The following PFAS variants were observed in gnomAD, a reference collection of about 807,000 sequenced individuals.
The protein encoded by PFAS is phosphoribosylformylglycinamidine synthase, also known as FGAM synthase.
Under a neutral mutation model 140.6 loss-of-function variants are expected in PFAS, and 97 were observed. The ratio of observed to expected loss-of-function variants is 0.69; its 90% CI spans 0.59 to 0.82. The LOEUF (loss-of-function observed/expected upper bound fraction) is 0.82, where lower values mean the gene tolerates loss of function less well. PFAS is among the 40% of genes least tolerant of loss of function. The pLI is 0.00. For missense variants in PFAS, 1,656 were observed against 1,780.2 expected (o/e 0.93, Z 1.26); for synonymous variants, 679 against 718.8 (o/e 0.94, Z 0.88).
chr17:8,264,227 G>T lies in PFAS; in HGVS notation c.1807G>T (p.Asp603Tyr). 6.2e-7 allele frequency: 1 copy of T among 1,614,028 alleles called. No individual in the cohort carries two copies. The highest frequency in any genetic ancestry group is 8.5e-7 in the Non-Finnish European group (1 of 1,179,960). Residue 603 changes from aspartate (D) to tyrosine (Y), a missense_variant, in exon 16 of 28, where the codon GAT becomes TAT. Physicochemically the swap from Asp to Tyr is radical, Grantham distance 160. Coordinates refer to ENST00000314666, the MANE Select transcript of PFAS (RefSeq NM_012393.3). ...TGGTCTATAGATAGTGCTGGTGGAC[G>T]ATCGGGAGTGTCCTGTCAGAAGAAA... ...TGDRRIVLVD[D>Y]RECPVRRNGQ...
chr17:8,267,048 G>A lies in PFAS; in HGVS notation c.2988G>A (p.Gly996=), dbSNP rs1005007032. The A allele has an allele frequency of 1.9e-6, 3 of 1,614,054 alleles. No homozygotes were observed. The highest frequency in any genetic ancestry group is 2.5e-6 in the Non-Finnish European group (3 of 1,180,042). ...CCTAGGTCCGGGTGTCAGTGAACGG[G>A]GCTGTGGTTCTGGAGGAGCCTGTTG... ...PHAMVRVSVN[G]AVVLEEPVGE... is the part of the protein sequence containing the mutation. Residue 996 remains glycine (G), a synonymous_variant, in exon 24 of 28, where the codon GGG becomes GGA. Coordinates refer to ENST00000314666, the MANE Select transcript of PFAS (RefSeq NM_012393.3). The surrounding 1 kb of genome is among the most constrained non-coding windows in gnomAD (Gnocchi z 4.9).
rs1197963709 is a variant in PFAS, at chr17:8,255,603, C to G, written c.486C>G (p.Ser162=). The change falls in exon 5 of 28, where the codon TCC becomes TCG. Residue 162 remains serine (S), a synonymous_variant. Coordinates refer to ENST00000314666, the MANE Select transcript of PFAS (RefSeq NM_012393.3). ...QHFPHPIQSF[S]PESMPEPLNG... ...TCCCCCATCCCATCCAGAGTTTCTC[C>G]CCTGAGAGCATGCCGGAACCCCTCA... is the stretch of plus-strand genomic sequence containing the variant. The G allele has an allele frequency of 6.3e-6, 10 of 1,581,352 alleles. No individual in the cohort carries two copies. Among genetic ancestry groups the G allele is most frequent in the Non-Finnish European group, 6.9e-6 (8 of 1,166,396 alleles).
rs1487486143 is a variant in PFAS at position 8,267,972 on chromosome 17, T to C, written c.3382+307T>C. On this transcript the variant is annotated intron_variant, in intron 26 of 27. Transcript: ENST00000314666. The surrounding 1 kb of genome is among the most constrained non-coding windows in gnomAD (Gnocchi z 4.9). Reference sequence around the variant, plus strand: ...ATATTATTAAAATATATATTATTTATATATATTATTTATATATTATTAAAA... The same window carrying C: ...ATATTATTAAAATATATATTATTTACATATATTATTTATATATTATTAAAA... Among the ~76,000 whole-genome samples the C allele has an allele frequency of 2.1e-5, 3 of 144,160 alleles. No homozygotes were observed. Among genetic ancestry groups the C allele is most frequent in the Non-Finnish European group, 4.5e-5 (3 of 66,016 alleles). The allele number at this position is 144,160 out of a possible 152,430, so 94.6% of individuals were successfully genotyped here.
At position 8,266,427 on chromosome 17, in the gene PFAS, A is replaced by T; in HGVS notation, c.2821+74A>T. The stretch of plus-strand genomic sequence containing the variant: ...TGCAGACCCCATTTCCAATATATTA[A>T]AGAGTGGAGTGCCCTCCAGTCCCCT... On this transcript the variant is annotated intron_variant, in intron 22 of 27. Transcript: ENST00000314666. This position sits in a 1 kb window ranked among gnomAD's most constrained non-coding sequence, Gnocchi z 5.0. 6.3e-7 allele frequency: 1 copy of T among 1,591,348 alleles called. No individual in the cohort carries two copies. The highest frequency in any genetic ancestry group is 8.6e-7 in the Non-Finnish European group (1 of 1,167,872).
At position 8,267,560 on chromosome 17, in the gene PFAS, G is replaced by C; in HGVS notation, c.3277G>C (p.Val1093Leu). 1.2e-6 allele frequency: 2 copies of C among 1,610,348 alleles called. No homozygotes were observed. The highest frequency in any genetic ancestry group is 1.7e-6 in the Non-Finnish European group (2 of 1,176,600). ...CTCCCCACCTTCGCAGGTATGGGAC[G>C]TGACCATGCAGGACCTCTGCTCTGG... is the stretch of plus-strand genomic sequence containing the variant. ...FHLAGFEVWD[V>L]TMQDLCSGAI... Residue 1093 changes from valine (V) to leucine (L), a missense_variant, in exon 26 of 28, where the codon GTG becomes CTG. Transcript: ENST00000314666. The surrounding 1 kb of genome is among the most constrained non-coding windows in gnomAD (Gnocchi z 4.9).
At position 8,264,923 on chromosome 17, in the gene PFAS, C is replaced by G. The variant is rs1392610244; in HGVS notation, c.2078C>G (p.Ala693Gly). The G allele has an allele frequency of 4.4e-6, 7 of 1,597,636 alleles. No homozygotes were observed. Among genetic ancestry groups the G allele is most frequent in the Non-Finnish European group, 6.0e-6 (7 of 1,169,802 alleles). The change falls in exon 18 of 28, where the codon GCC becomes GGC. Residue 693 changes from alanine (A) to glycine (G), a missense_variant. Transcript: ENST00000314666. ...KVDRSVGGLVAQQQCVGPLQT... is the reference protein window; with the variant it reads ...KVDRSVGGLVGQQQCVGPLQT... ...GACCGCTCTGTGGGAGGCCTGGTGG[C>G]CCAGCAGCAGTGCGTGGGGCCCCTG...
In PFAS at chr17:8,269,856, A is replaced by G. The variant is rs1597433146; in HGVS notation, c.*592A>G. On this transcript the variant is annotated 3_prime_UTR_variant, in exon 28 of 28. Transcript: ENST00000314666. ...GGCCTCAGAACCCAGCATTCCTGTT[A>G]TTTGCTTCTAAATTAGCAGCTCTCT... is the stretch of plus-strand genomic sequence containing the variant. 1 of 144,368 alleles carries G rather than the reference A, an allele frequency of 6.9e-6. No individual in the cohort carries two copies. Among genetic ancestry groups the G allele is most frequent in the Non-Finnish European group, 1.5e-5 (1 of 66,170 alleles). 8.9% of individuals were successfully genotyped at this position (144,368 alleles called of 1,614,324 possible).
At chr17:8,264,694 G>C (rs1989739304) in intron 17 of PFAS, 93 bp downstream of exon 17, 2 of 1,383,954 alleles carry the variant, frequency 1.4e-6, no homozygotes, top group Admixed American at 4.5e-5. Context: ...GGGGGTTTTT[G>C]CCTGGCCCTG....
chr17:8,250,455 G>A (rs560019301), intron 1 of PFAS, among the ~76,000 whole-genome samples: 10 of 152,298 alleles, frequency 6.6e-5, no homozygotes, highest in African/African-American at 2.4e-4. Context: ...TTTCCTGGTG[G>A]ATTGGATTTA....
In PFAS at chr17:8,264,131, T is replaced by C. The variant is rs1989709503; in HGVS notation, c.1792-81T>C. On this transcript the variant is annotated intron_variant, in intron 15 of 27. Transcript: ENST00000314666. The stretch of plus-strand genomic sequence containing the variant: ...AACCAAACAAGGAGTGGAAAGCACA[T>C]TTGTGCCCTGATTTCTAGGAACATT... The C allele has an allele frequency of 8.9e-6, 14 of 1,577,302 alleles. No individual in the cohort carries two copies. In the Middle Eastern group the frequency reaches 1.4e-3, roughly 154 times the overall value.
rs761580990 is a variant in PFAS at position 8,267,391 on chromosome 17, C to T, written c.3195C>T (p.Val1065=). 3.7e-6 allele frequency: 6 copies of T among 1,614,026 alleles called. No homozygotes were observed. Among genetic ancestry groups the T allele is most frequent in the Admixed American group, 3.3e-5 (2 of 60,030 alleles). The change falls in exon 25 of 28, where the codon GTC becomes GTT. Residue 1065 remains valine, a synonymous_variant. Transcript: ENST00000314666. The surrounding 1 kb of genome is among the most constrained non-coding windows in gnomAD (Gnocchi z 4.9). ...PREPGGPSPR[V]AILREEGSNG... is the part of the protein sequence containing the mutation. ...CCCAAGGTGGTCCCAGCCCCCGAGT[C>T]GCCATCTTGCGAGAGGAGGGCAGTA...
chr17:8,264,347 G>A lies in PFAS; in HGVS notation c.1917+10G>A, dbSNP rs748802486. ...CAAGATGCCTCGGAAGGTATGTGGGGTTGAGGGGATGGGTTTTTCCTGTGG... is the reference window on the plus strand; with the variant it reads ...CAAGATGCCTCGGAAGGTATGTGGGATTGAGGGGATGGGTTTTTCCTGTGG... On this transcript the variant is annotated intron_variant, in intron 16 of 27. Coordinates refer to ENST00000314666, the MANE Select transcript of PFAS (RefSeq NM_012393.3). 2.5e-6 allele frequency: 4 copies of A among 1,613,538 alleles called. No homozygotes were observed. Among genetic ancestry groups the A allele is most frequent in the Admixed American group, 3.3e-5 (2 of 59,954 alleles).
rs572582204 is a variant in PFAS at position 8,255,651 on chromosome 17, T to C, written c.534T>C (p.Gly178=). The part of the protein sequence containing the change: ...EPLNGPINIL[G]EGRLALEKAN... ...TCAATGGCCCTATCAATATACTGGGTGAGGGCCGGCTTGCGCTGGAGAAGG... is the reference window on the plus strand; with the variant it reads ...TCAATGGCCCTATCAATATACTGGGCGAGGGCCGGCTTGCGCTGGAGAAGG... The change falls in exon 5 of 28, where the codon GGT becomes GGC. Residue 178 remains glycine, a synonymous_variant. Transcript: ENST00000314666. 2 of 1,582,160 alleles carry C rather than the reference T, an allele frequency of 1.3e-6. No individual in the cohort carries two copies. Among genetic ancestry groups the C allele is most frequent in the Admixed American group, 1.9e-5 (1 of 53,920 alleles).
upstream of PFAS, chr17:8,248,221 C>G: frequency 6.6e-6 from 4 of 606,932 alleles, no homozygotes; most frequent in Non-Finnish European, 6.0e-6. Flanking sequence ...TCCCAACTCC[C>G]GACACCCCTG....
chr17:8,269,571 C>T lies in PFAS; in HGVS notation c.*307C>T. On this transcript the variant is annotated 3_prime_UTR_variant, in exon 28 of 28. Transcript: ENST00000314666. ...GAGGTCCGAACAGGGGCTTCTGTTG[C>T]CCACTTCACAACACCCAGTGATCAC... 1 of 325,846 alleles carries T rather than the reference C, an allele frequency of 3.1e-6. No individual in the cohort carries two copies. Among genetic ancestry groups the T allele is most frequent in the Non-Finnish European group, 5.7e-6 (1 of 176,398 alleles). The allele number at this position is 325,846 out of a possible 1,614,324, so 20.2% of individuals were successfully genotyped here. A position where few individuals can be genotyped will look rare whatever the true frequency, so the allele number is the denominator to read the frequency against.
rs771386357 is a variant in PFAS at position 8,268,855 on chromosome 17, A to G, written c.3705A>G (p.Glu1235=). The stretch of plus-strand genomic sequence containing the variant: ...TGCCCGTGTGGAGTGCGCACGGGGA[A>G]GGTCAGGCCCAAGGAAGGCTGGGGG... The part of the protein sequence containing the change: ...AVLPVWSAHG[E]GYVAFSSPEL... Residue 1235 remains glutamate (E), a splice_region_variant and synonymous_variant, in exon 27 of 28, where the codon GAA becomes GAG. Transcript: ENST00000314666. The G allele has an allele frequency of 6.8e-6, 11 of 1,609,702 alleles. No homozygotes were observed. The highest frequency in any genetic ancestry group is 9.3e-6 in the Non-Finnish European group (11 of 1,179,770).
chr17:8,256,242 C>T, intron 6 of PFAS, 25 bp from the exon 7 acceptor site: 1 of 1,610,036 alleles, frequency 6.2e-7, no homozygotes, highest in East Asian at 2.2e-5. Flanking sequence ...CACCTGCCTT[C>T]CCCTCCCTGC....
intron 11 of PFAS, among the ~76,000 whole-genome samples, chr17:8,261,180 T>G (rs1339651341): frequency 1.3e-5 from 2 of 152,176 alleles, no homozygotes; most frequent in Non-Finnish European, 2.9e-5. Flanking sequence ...AGTATTTCAT[T>G]GTGGATTTGG....
upstream of PFAS, chr17:8,247,949 G>C: frequency 6.4e-7 from 1 of 1,553,930 alleles, no homozygotes; most frequent in Non-Finnish European, 8.8e-7. Flanking sequence ...GGAAGAGAAA[G>C]AGTATCTGTG....
Sources: allele counts gnomAD v4.1 joint callset (sites outside exome capture counted in the v4.1 genomes callset), GRCh38; gene constraint gnomAD v4.1.1; non-coding constraint Gnocchi (gnomAD v3.1); transcripts MANE v1.5; gene names NCBI Gene and HGNC (gene_info 2026-07-23, HGNC 2026-07-21).